DOCK4: variants seen among roughly 807,000 people sequenced by gnomAD.
DOCK4 encodes dedicator of cytokinesis protein 4.
A neutral mutation model predicts 268.1 loss-of-function variants in DOCK4; 97 were observed. That is an observed-to-expected ratio of 0.36 (90% confidence interval 0.31 to 0.43). The LOEUF (loss-of-function observed/expected upper bound fraction) is 0.43, where lower values mean the gene tolerates loss of function less well. DOCK4 is among the 20% of genes least tolerant of loss of function. DOCK4 has a pLI of 1.00. For synonymous variants in DOCK4, 954 were observed against 887.2 expected (o/e 1.08, Z -1.34); for missense variants, 2,145 against 2,455.7 (o/e 0.87, Z 2.67).
chr7:111,767,940 T>C (rs1181144875), intron 37 of DOCK4, among the ~76,000 whole-genome samples: 1 of 152,082 alleles, frequency 6.6e-6, no homozygotes, highest in Non-Finnish European at 1.5e-5. Context: ...GGCCAGAAAG[T>C]CAAAACTTTA....
intron 26 of DOCK4, 53 bp from the exon 27 acceptor site, chr7:111,822,509 T>C (rs1802070871): frequency 2.9e-5 from 42 of 1,428,246 alleles, no homozygotes; most frequent in East Asian, 1.4e-4. Flanking sequence ...ACTGTCAACA[T>C]ACATACGCAC....
chr7:112,197,626 T>C (rs994363280), intron 1 of DOCK4, among the ~76,000 whole-genome samples: 1 of 152,210 alleles, frequency 6.6e-6, no homozygotes, highest in Non-Finnish European at 1.5e-5. Context: ...TATTTCTTAC[T>C]TGAGAATCCT....
At position 111,734,000 on chromosome 7, in the gene DOCK4, C is replaced by G. The variant is rs527371193; in HGVS notation, c.5419+1054G>C. On this transcript the variant is annotated intron_variant, in intron 51 of 52. Coordinates refer to ENST00000428084, the MANE Select transcript of DOCK4 (RefSeq NM_001363540.2). ...TTGCCCAGGCTAGAGTGCAGTGGCT[C>G]AATCTTGGCTCACTGCAACCTCTGC... Among the ~76,000 whole-genome samples the G allele has an allele frequency of 7.9e-5, 12 of 152,280 alleles. No homozygotes were observed. The East Asian group carries it at 2.3e-3, about 29-fold the overall frequency.
chr7:112,032,064 T>C (rs1378080179), intron 1 of DOCK4, among the ~76,000 whole-genome samples: 1 of 152,154 alleles, frequency 6.6e-6, no homozygotes, highest in Non-Finnish European at 1.5e-5. Context: ...TGGAACAAAA[T>C]TCCCTAGAAT....
chr7:112,033,890 C>T (rs751487419), intron 1 of DOCK4, among the ~76,000 whole-genome samples: 19 of 152,152 alleles, frequency 1.2e-4, no homozygotes, highest in Admixed American at 1.3e-4. Flanking sequence ...AAATATAGTG[C>T]TCAATCTGAA....
chr7:111,884,814 G>C (rs568241749), intron 16 of DOCK4, among the ~76,000 whole-genome samples: 19 of 152,282 alleles, frequency 1.2e-4, no homozygotes, highest in Admixed American at 5.9e-4. Flanking sequence ...TTCATTCAAC[G>C]ACAAGGGATA....
At chr7:111,913,651 C>A (rs541393028) in intron 13 of DOCK4, among the ~76,000 whole-genome samples, 1 of 151,298 alleles carries the variant, frequency 6.6e-6, no homozygotes, top group Non-Finnish European at 1.5e-5. Context: ...CCTCGTGATC[C>A]GCCCACCTCG....
At chr7:111,756,333 G>A (rs148216614) in intron 41 of DOCK4, among the ~76,000 whole-genome samples, 2,474 of 152,142 alleles carry the variant, frequency 0.016, 27 homozygotes, top group Middle Eastern at 0.041. Flanking sequence ...TGGGCGACAG[G>A]GCGAGACTCC....
At chr7:111,937,162 C>T (rs976356587) in intron 11 of DOCK4, among the ~76,000 whole-genome samples, 1 of 152,180 alleles carries the variant, frequency 6.6e-6, no homozygotes, top group African/African-American at 2.4e-5. Context: ...AAAGTATCTT[C>T]CAGGCTCAGG....
At chr7:111,729,361 C>A (rs779754882) in intron 52 of DOCK4, among the ~76,000 whole-genome samples, 1 of 152,036 alleles carries the variant, frequency 6.6e-6, no homozygotes, top group Non-Finnish European at 1.5e-5. Flanking sequence ...AGCTTGAGAC[C>A]AGCCTGGGCA....
intron 1 of DOCK4, among the ~76,000 whole-genome samples, chr7:112,140,156 G>A (rs889144738): frequency 2.0e-5 from 3 of 152,046 alleles, no homozygotes; most frequent in Non-Finnish European, 2.9e-5. Context: ...TAAAAACACA[G>A]CGGGAATTAC....
Position 111,728,447 on chromosome 7 carries a change from G to A in DOCK4, c.5755C>T (p.Leu1919=). Residue 1919 remains leucine, a synonymous_variant, in exon 53 of 53, where the codon CTG becomes TTG. Transcript: ENST00000428084. ...PPPYSVYERT[L]RRPVPLPHSL... is the part of the protein sequence containing the mutation. Reference sequence around the variant, plus strand: ...TGAGGTAGCGGGACGGGGCGCCGCAGAGTCCGCTCGTAGACGCTGTACGGG... The same window carrying A: ...TGAGGTAGCGGGACGGGGCGCCGCAAAGTCCGCTCGTAGACGCTGTACGGG... 1.2e-6 allele frequency: 2 copies of A among 1,602,690 alleles called. No individual in the cohort carries two copies. The highest frequency in any genetic ancestry group is 4.5e-5 in the East Asian group (2 of 44,764).
At chr7:111,882,312 C>G (rs1807457221) in intron 16 of DOCK4, among the ~76,000 whole-genome samples, 1 of 151,988 alleles carries the variant, frequency 6.6e-6, no homozygotes. Flanking sequence ...CACTAAGGAG[C>G]TAATAGTTAA....
At chr7:111,754,162 G>A (rs1008029038) in intron 42 of DOCK4, among the ~76,000 whole-genome samples, 2 of 152,150 alleles carry the variant, frequency 1.3e-5, no homozygotes, top group Admixed American at 6.5e-5. Context: ...TTTGAGCACT[G>A]CGTTTAGCAG....
chr7:111,914,290 G>T (rs751481214), intron 13 of DOCK4, among the ~76,000 whole-genome samples: 1 of 151,942 alleles, frequency 6.6e-6, no homozygotes, highest in South Asian at 2.1e-4. Flanking sequence ...CCTCCAAACC[G>T]GTCTCCCTGT....
intron 1 of DOCK4, among the ~76,000 whole-genome samples, chr7:112,133,542 G>C (rs1052618318): frequency 7.2e-5 from 11 of 151,990 alleles, no homozygotes; most frequent in Non-Finnish European, 1.3e-4. Context: ...GACTAGCCTG[G>C]GGGACATGGT....
At chr7:111,735,209 T>A (rs1203006989) in intron 50 of DOCK4, 42 bp from the exon 51 acceptor site, 9 of 1,350,646 alleles carry the variant, frequency 6.7e-6, no homozygotes, top group Non-Finnish European at 9.0e-6. Flanking sequence ...GGTCCAGCTT[T>A]GCCCTTCCAA....
At chr7:112,105,685 CTTTTTTT>C (rs752689972) in intron 1 of DOCK4, among the ~76,000 whole-genome samples, 2 of 135,776 alleles carry the variant, frequency 1.5e-5, no homozygotes, top group East Asian at 2.1e-4. Flanking sequence ...CCTCCTCTTC[CTTTTTTT>C]TTTTTTTTTT....
chr7:112,168,256 G>A (rs1018886105), intron 1 of DOCK4, among the ~76,000 whole-genome samples: 1 of 152,104 alleles, frequency 6.6e-6, no homozygotes, highest in East Asian at 1.9e-4. Flanking sequence ...TCTTTCATTT[G>A]GACTACAATG....
Sources: allele counts gnomAD v4.1 joint callset (sites outside exome capture counted in the v4.1 genomes callset), GRCh38; gene constraint gnomAD v4.1.1; transcripts MANE v1.5; gene names NCBI Gene and HGNC (gene_info 2026-07-23, HGNC 2026-07-21).